Variants in UBE2E2 observed in about 807,000 individuals in gnomAD.
The protein encoded by UBE2E2 is ubiquitin-conjugating enzyme E2 E2.
Under a neutral mutation model 24.7 loss-of-function variants are expected in UBE2E2, and 6 were observed. That is an observed-to-expected ratio of 0.24 (90% confidence interval 0.13 to 0.48). The LOEUF is 0.48. Ranked by LOEUF, UBE2E2 falls within the 20% of genes least tolerant of loss-of-function variation. The pLI is 0.99. For synonymous variants in UBE2E2, 104 were observed against 83.6 expected (o/e 1.24, Z -1.33); for missense variants, 169 against 245.0 (o/e 0.69, Z 2.07).
chr3:23,502,251 G>A lies in UBE2E2; in HGVS notation c.360+2511G>A, dbSNP rs1384669030. 3.1e-5 allele frequency among the ~76,000 whole-genome samples: 4 copies of A among 127,182 alleles called. No individual in the cohort carries two copies. In the South Asian group the frequency reaches 7.3e-4, roughly 23 times the overall value. 83.4% of individuals were successfully genotyped at this position (127,182 alleles called of 152,430 possible). On this transcript the variant is annotated intron_variant, in intron 4 of 5. Transcript: ENST00000396703. ...CTTTTGCTCTTTTTTTTTTTTTCAC[G>A]TTAGCCATGCATTTTGATTCCTGCA...
At chr3:23,341,671 A>C (rs991693621) in intron 3 of UBE2E2, among the ~76,000 whole-genome samples, 3 of 152,034 alleles carry the variant, frequency 2.0e-5, no homozygotes, top group Non-Finnish European at 4.4e-5. Context: ...CTAAAGCATA[A>C]TCATTTCCCC....
chr3:23,513,612 C>T (rs1164137343), intron 4 of UBE2E2, among the ~76,000 whole-genome samples: 3 of 152,082 alleles, frequency 2.0e-5, no homozygotes, highest in Non-Finnish European at 4.4e-5. Flanking sequence ...TATGCATGTT[C>T]AATTTTAATA....
At chr3:23,413,635 T>C (rs1169186607) in intron 3 of UBE2E2, among the ~76,000 whole-genome samples, 5 of 152,204 alleles carry the variant, frequency 3.3e-5, no homozygotes, top group African/African-American at 1.2e-4. Flanking sequence ...AGCTTAGACA[T>C]CACTTTCTTG....
upstream of UBE2E2, chr3:23,203,162 A>T (rs1696005263): frequency 1.0e-6 from 1 of 984,414 alleles, no homozygotes; most frequent in African/African-American, 1.8e-5. Context: ...TGGTGGCTTC[A>T]CTTTCCAGGA....
intron 3 of UBE2E2, among the ~76,000 whole-genome samples, chr3:23,305,279 T>G (rs1283659077): frequency 6.6e-6 from 1 of 152,232 alleles, no homozygotes; most frequent in African/African-American, 2.4e-5. Flanking sequence ...CTTGCAGCTT[T>G]AACAGGTATA....
chr3:23,299,850 T>C (rs2125260367), intron 3 of UBE2E2, among the ~76,000 whole-genome samples: 1 of 152,324 alleles, frequency 6.6e-6, no homozygotes, highest in Non-Finnish European at 1.5e-5. Flanking sequence ...GTTAACTTTC[T>C]GTCTCGTTGA....
chr3:23,457,150 G>A (rs560563514), intron 3 of UBE2E2, among the ~76,000 whole-genome samples: 4 of 152,186 alleles, frequency 2.6e-5, no homozygotes, highest in Non-Finnish European at 5.9e-5. Flanking sequence ...CACCCGAGCA[G>A]TCCCTGATGA....
intron 3 of UBE2E2, among the ~76,000 whole-genome samples, chr3:23,441,456 G>T (rs143285748): frequency 2.0e-5 from 3 of 150,890 alleles, no homozygotes; most frequent in African/African-American, 7.3e-5. Flanking sequence ...AGGGAATGGC[G>T]TGAACCCGGG....
At chr3:23,336,052 G>A (rs1322708672) in intron 3 of UBE2E2, among the ~76,000 whole-genome samples, 1 of 152,098 alleles carries the variant, frequency 6.6e-6, no homozygotes, top group East Asian at 1.9e-4. Flanking sequence ...TACCTGCTGT[G>A]CTCTTGAAGA....
chr3:23,222,006 C>G (rs1298570470), intron 3 of UBE2E2, among the ~76,000 whole-genome samples: 1 of 151,890 alleles, frequency 6.6e-6, no homozygotes, highest in Non-Finnish European at 1.5e-5. Context: ...CTTGATCCCC[C>G]CACTCCCCTT....
intron 5 of UBE2E2, among the ~76,000 whole-genome samples, chr3:23,534,592 G>A (rs1695208691): frequency 6.6e-6 from 1 of 151,930 alleles, no homozygotes; most frequent in Non-Finnish European, 1.5e-5. Flanking sequence ...TTTCCTAATT[G>A]GTTTTTATGA....
At chr3:23,519,214 G>C (rs1292775991) in intron 4 of UBE2E2, among the ~76,000 whole-genome samples, 1 of 150,746 alleles carries the variant, frequency 6.6e-6, no homozygotes, top group Non-Finnish European at 1.5e-5. Flanking sequence ...GAAATAACTA[G>C]CTTAGAAAAT....
chr3:23,379,500 T>G (rs926837955), intron 3 of UBE2E2, among the ~76,000 whole-genome samples: 3 of 147,358 alleles, frequency 2.0e-5, no homozygotes, highest in African/African-American at 7.5e-5. Context: ...CGGTGTTTGG[T>G]TTTTTGTTCT....
At chr3:23,256,279 C>G (rs951787349) in intron 3 of UBE2E2, among the ~76,000 whole-genome samples, 1 of 152,114 alleles carries the variant, frequency 6.6e-6, no homozygotes, top group African/African-American at 2.4e-5. Flanking sequence ...CATGATATTT[C>G]TAATTAAAAT....
chr3:23,272,877 C>G (rs1437901984), intron 3 of UBE2E2, among the ~76,000 whole-genome samples: 1 of 152,082 alleles, frequency 6.6e-6, no homozygotes, highest in Non-Finnish European at 1.5e-5. Context: ...CAAGAAGAGC[C>G]CAAGTTTCAG....
chr3:23,431,119 C>G (rs966900051), intron 3 of UBE2E2, among the ~76,000 whole-genome samples: 1 of 152,100 alleles, frequency 6.6e-6, no homozygotes, highest in Non-Finnish European at 1.5e-5. Context: ...GGTATCTTCA[C>G]TGGGAACTGG....
intron 3 of UBE2E2, among the ~76,000 whole-genome samples, chr3:23,435,602 A>G (rs1698160350): frequency 1.3e-5 from 2 of 152,240 alleles, no homozygotes; most frequent in Non-Finnish European, 2.9e-5. Context: ...AACAGAGTAA[A>G]CAACTAGGAG....
chr3:23,212,693 G>A (rs1444204604), intron 2 of UBE2E2, among the ~76,000 whole-genome samples: 2 of 151,994 alleles, frequency 1.3e-5, no homozygotes, highest in African/African-American at 4.8e-5. Flanking sequence ...GTCTAAGTTT[G>A]TTTTCCACAT....
intron 3 of UBE2E2, among the ~76,000 whole-genome samples, chr3:23,296,644 T>A (rs1275675513): frequency 6.6e-6 from 1 of 152,248 alleles, no homozygotes. Context: ...GAACTCATCC[T>A]TTTTTATGGC....
Sources: gnomAD v4.1 joint callset for allele counts (sites outside exome capture counted in the v4.1 genomes callset) on GRCh38, gnomAD v4.1.1 for gene constraint, MANE v1.5 for transcripts, NCBI Gene and HGNC (gene_info 2026-07-23, HGNC 2026-07-21) for gene names.